Variants in TRIM33 observed in about 807,000 individuals in gnomAD.
The protein encoded by TRIM33 is E3 ubiquitin-protein ligase TRIM33.
In TRIM33, 20 loss-of-function variants were observed where a neutral mutation model predicts 125.4. The observed-to-expected ratio is 0.16, with a 90% CI of 0.11 to 0.23. The LOEUF is 0.23. Ranked by LOEUF, TRIM33 falls within the 10% of genes least tolerant of loss-of-function variation. The pLI is 1.00. For synonymous variants in TRIM33, 564 were observed against 513.9 expected, an observed-to-expected ratio of 1.10 and a Z score of -1.32; for missense variants, 920 against 1,411.4, an observed-to-expected ratio of 0.65 and a Z score of 5.58.
At chr1:114,450,690 G>A (rs1236673630) in intron 4 of TRIM33, among the ~76,000 whole-genome samples, 1 of 152,106 alleles carries the variant, frequency 6.6e-6, no homozygotes, top group Non-Finnish European at 1.5e-5. Flanking sequence ...ACCATGTCTG[G>A]CCTAACGTTC....
At chr1:114,498,608 G>C (rs919371634) in intron 1 of TRIM33, among the ~76,000 whole-genome samples, 2 of 151,964 alleles carry the variant, frequency 1.3e-5, no homozygotes, top group Non-Finnish European at 2.9e-5. Flanking sequence ...ATCCAGTCTG[G>C]GTGACAGAAT....
chr1:114,411,153 A>G (rs1365949337), intron 11 of TRIM33, among the ~76,000 whole-genome samples: 1 of 151,904 alleles, frequency 6.6e-6, no homozygotes, highest in Admixed American at 6.6e-5. Flanking sequence ...CATGCCCTCC[A>G]TTTCAGCCTC....
intron 10 of TRIM33, among the ~76,000 whole-genome samples, chr1:114,423,761 C>T (rs1329400002): frequency 6.6e-6 from 1 of 151,900 alleles, no homozygotes; most frequent in Non-Finnish European, 1.5e-5. Context: ...GTTGAAGGAC[C>T]ACTGTTCTAG....
At chr1:114,421,247 C>A (rs1315696149) in intron 11 of TRIM33, among the ~76,000 whole-genome samples, 189 bp downstream of exon 11, 1 of 151,482 alleles carries the variant, frequency 6.6e-6, no homozygotes, top group Non-Finnish European at 1.5e-5. Flanking sequence ...GCGGGGAATG[C>A]GGAAAGAGAG....
intron 1 of TRIM33, among the ~76,000 whole-genome samples, chr1:114,500,909 GGC>G (rs1652670868): frequency 7.5e-6 from 1 of 134,200 alleles, no homozygotes; most frequent in Non-Finnish European, 1.6e-5. Context: ...AAGAATTTGG[GGC>G]CGGGCGCGGT....
chr1:114,434,506 C>T (rs532041269), intron 4 of TRIM33, among the ~76,000 whole-genome samples: 67 of 152,242 alleles, frequency 4.4e-4, no homozygotes, highest in African/African-American at 1.6e-3. Flanking sequence ...AGCATGAATG[C>T]TATATGTTAA....
chr1:114,397,649 T>C lies in TRIM33; in HGVS notation c.3383A>G (p.Ter1128=), dbSNP rs1383411916. 2.5e-6 allele frequency: 4 copies of C among 1,570,790 alleles called. No individual in the cohort carries two copies. The highest frequency in any genetic ancestry group is 1.1e-5 in the South Asian group (1 of 89,670). Residue 1128 remains the stop codon, a stop_retained_variant, in exon 20 of 20, where the codon TAA becomes TGA. Coordinates refer to ENST00000358465, the MANE Select transcript of TRIM33 (RefSeq NM_015906.4). The part of the protein sequence containing the change: ...KSDERPVHIK[*] ...CAATTGATTTAAATCCATGTCATTT[T>C]ACTTTATATGTACTGGTCTCTCATC...
Position 114,396,693 on chromosome 1 carries a change from C to T in TRIM33, c.*955G>A, listed in dbSNP as rs1385644264. The T allele has an allele frequency of 4.9e-6, 1 of 205,236 alleles. No homozygotes were observed. Among genetic ancestry groups the T allele is most frequent in the African/African-American group, 2.3e-5 (1 of 43,740 alleles). 12.7% of individuals were successfully genotyped at this position (205,236 alleles called of 1,614,324 possible). On this transcript the variant is annotated 3_prime_UTR_variant, in exon 20 of 20. Transcript: ENST00000358465. ...TTTACAAATAAGACAAAGTGAAATACAGAAAATTTTACACATTTGGTAGTT... is the reference window on the plus strand; with the variant it reads ...TTTACAAATAAGACAAAGTGAAATATAGAAAATTTTACACATTTGGTAGTT...
At chr1:114,507,304 CT>C (rs1653058648) in intron 1 of TRIM33, among the ~76,000 whole-genome samples, 1 of 152,144 alleles carries the variant, frequency 6.6e-6, no homozygotes, top group African/African-American at 2.4e-5. Flanking sequence ...ATCTGTATTC[CT>C]AACAATGTCA....
intron 1 of TRIM33, among the ~76,000 whole-genome samples, chr1:114,480,493 AAAG>A (rs201465212): frequency 1.3e-4 from 18 of 133,812 alleles, no homozygotes; most frequent in Non-Finnish European, 2.5e-4. Flanking sequence ...AAAAAAAAAA[AAAG>A]AAGTGAAAAG....
Position 114,425,675 on chromosome 1 carries a change from A to G in TRIM33, c.1469T>C (p.Val490Ala). 6.2e-7 allele frequency: 1 copy of G among 1,614,128 alleles called. No homozygotes were observed. The highest frequency in any genetic ancestry group is 8.5e-7 in the Non-Finnish European group (1 of 1,180,000). ...CCCTGGAGGAACTTGCCCAACTACA[A>G]CATTAGGAGTATAACCAGGAGCTGG... Reference protein sequence around the residue: ...SKPAPGYTPNVVVGQVPPGTN... With the variant: ...SKPAPGYTPNAVVGQVPPGTN... Residue 490 changes from valine to alanine, a missense_variant, in exon 9 of 20, where the codon GTT (valine) becomes GCT (alanine). Val to Ala is a moderately conservative substitution (Grantham distance 64). Coordinates refer to ENST00000358465, the MANE Select transcript of TRIM33 (RefSeq NM_015906.4).
chr1:114,446,617 T>C (rs1648996696), intron 4 of TRIM33, among the ~76,000 whole-genome samples: 1 of 151,888 alleles, frequency 6.6e-6, no homozygotes, highest in South Asian at 2.1e-4. Context: ...CCAAAAACTA[T>C]TTATAAACTT....
chr1:114,505,215 T>A (rs74115208), intron 1 of TRIM33, among the ~76,000 whole-genome samples: 6,587 of 152,268 alleles, frequency 0.043, 153 homozygotes, highest in African/African-American at 0.063. Flanking sequence ...GAGAAGTATT[T>A]CAGCAATCTT....
At chr1:114,474,801 A>C (rs1354100709) in intron 1 of TRIM33, among the ~76,000 whole-genome samples, 2 of 151,702 alleles carry the variant, frequency 1.3e-5, no homozygotes, top group African/African-American at 4.8e-5. Context: ...CTGAGGCAGG[A>C]GAATTGCTCG....
intron 1 of TRIM33, among the ~76,000 whole-genome samples, chr1:114,469,894 T>G (rs1220454008): frequency 6.6e-6 from 1 of 152,194 alleles, no homozygotes; most frequent in Non-Finnish European, 1.5e-5. Flanking sequence ...AGAAAGTAAC[T>G]GAAATAATTT....
At position 114,405,714 on chromosome 1, in the gene TRIM33, G is replaced by C. The variant is rs763011367; in HGVS notation, c.2464C>G (p.Leu822Val). Residue 822 changes from leucine to valine, a missense_variant, in exon 15 of 20, where the codon CTG becomes GTG. By Grantham distance (32) the Leu-to-Val change is conservative. Coordinates refer to ENST00000358465, the MANE Select transcript of TRIM33 (RefSeq NM_015906.4). ...SSLTPPLSTNLHLESELDALA... is the reference protein window; with the variant it reads ...SSLTPPLSTNVHLESELDALA... ...GCATCCAATTCACTTTCTAGATGCA[G>C]GTTGGTTGAGAGAGGTGGTGTCAAG... 1 of 1,614,166 alleles carries C rather than the reference G, an allele frequency of 6.2e-7. No homozygotes were observed. The highest frequency in any genetic ancestry group is 8.5e-7 in the Non-Finnish European group (1 of 1,180,010).
At chr1:114,489,288 T>C (rs1255352969) in intron 1 of TRIM33, among the ~76,000 whole-genome samples, 4 of 152,162 alleles carry the variant, frequency 2.6e-5, no homozygotes, top group Non-Finnish European at 5.9e-5. Flanking sequence ...ATACAAAAAT[T>C]AACTCAACTT....
chr1:114,397,206 T>C lies in TRIM33; in HGVS notation c.*442A>G, dbSNP rs1335118282. 8.4e-6 allele frequency: 2 copies of C among 239,228 alleles called. No individual in the cohort carries two copies. The highest frequency in any genetic ancestry group is 4.4e-5 in the African/African-American group (2 of 45,002). 14.8% of individuals were successfully genotyped at this position (239,228 alleles called of 1,614,324 possible). On this transcript the variant is annotated 3_prime_UTR_variant, in exon 20 of 20. Coordinates refer to ENST00000358465, the MANE Select transcript of TRIM33 (RefSeq NM_015906.4). ...TAACTAGAAAACAACCTGATATGTA[T>C]GTGTGTGAAGGGGGAGGGTTAAAAG...
chr1:114,457,968 T>A lies in TRIM33; in HGVS notation c.923+5136A>T, dbSNP rs555639879. ...TAAAATTCAATAATGTATGTTATAC[T>A]TGCAACTGCCTTTGCAAAATTATAA... On this transcript the variant is annotated intron_variant, in intron 4 of 19. Transcript: ENST00000358465. 9.8e-5 allele frequency among the ~76,000 whole-genome samples: 15 copies of A among 152,348 alleles called. 1 individual carries two copies. Among genetic ancestry groups the A allele is most frequent in the African/African-American group, 3.6e-4 (15 of 41,582 alleles).
Sources: allele counts gnomAD v4.1 joint callset (sites outside exome capture counted in the v4.1 genomes callset), GRCh38; gene constraint gnomAD v4.1.1; transcripts MANE v1.5; gene names NCBI Gene and HGNC (gene_info 2026-07-23, HGNC 2026-07-21).